Variants in RBBP8 observed in about 807,000 individuals in gnomAD.
RBBP8 encodes DNA endonuclease RBBP8.
Under a neutral mutation model 108.3 loss-of-function variants are expected in RBBP8, and 88 were observed. The ratio of observed to expected loss-of-function variants is 0.81; its 90% CI spans 0.68 to 0.97. RBBP8 has a LOEUF of 0.97. Among genes scored for constraint, RBBP8 ranks in the 50% least tolerant of loss-of-function variants. RBBP8 has a pLI of 0.00. For missense variants in RBBP8, 1,023 were observed against 1,049.0 expected, an observed-to-expected ratio of 0.98 and a Z score of 0.34; for synonymous variants, 332 against 348.2, an observed-to-expected ratio of 0.95 and a Z score of 0.52.
chr18:22,953,030 A>G (rs982474989), intron 4 of RBBP8, among the ~76,000 whole-genome samples: 2 of 152,380 alleles, frequency 1.3e-5, no homozygotes, highest in South Asian at 2.1e-4. Flanking sequence ...GCAAACATCA[A>G]TAAGACTTTG....
At chr18:22,975,914 A>G (rs1160148012) in intron 6 of RBBP8, among the ~76,000 whole-genome samples, 1 of 152,100 alleles carries the variant, frequency 6.6e-6, no homozygotes, top group African/African-American at 2.4e-5. Flanking sequence ...TTTTCTAGAT[A>G]TGATCTGACT....
At chr18:22,971,020 A>G (rs1914034713) in intron 5 of RBBP8, among the ~76,000 whole-genome samples, 1 of 152,184 alleles carries the variant, frequency 6.6e-6, no homozygotes, top group Non-Finnish European at 1.5e-5. Context: ...ATTTGCAGGC[A>G]TTCATCCTCA....
intron 1 of RBBP8, chr18:22,934,755 A>C (rs979767860): frequency 2.0e-5 from 3 of 151,344 alleles, no homozygotes; most frequent in East Asian, 3.9e-4. Context: ...TATGATTGAG[A>C]ACATGCGGGC....
intron 1 of RBBP8, among the ~76,000 whole-genome samples, chr18:22,936,241 A>G (rs945791913): frequency 2.6e-5 from 4 of 152,148 alleles, no homozygotes; most frequent in Non-Finnish European, 5.9e-5. Flanking sequence ...AGCTGGGGCC[A>G]CAGGCACGCA....
intron 18 of RBBP8, chr18:23,024,820 C>T (rs190800018): frequency 6.6e-6 from 1 of 152,332 alleles, no homozygotes; most frequent in East Asian, 1.9e-4. Context: ...AGCCTTCAGG[C>T]TTTAGGCCTG....
rs146649234 is a variant in RBBP8, at chr18:22,968,850, A to G, written c.293A>G (p.His98Arg). 6.8e-5 allele frequency: 109 copies of G among 1,613,536 alleles called. No individual in the cohort carries two copies. The highest frequency in any genetic ancestry group is 1.6e-4 in the Middle Eastern group (1 of 6,074). The part of the protein sequence containing the change: ...LCDRCAVTEE[H>R]MRKKQQEFEN... Reference sequence around the variant, plus strand: ...GATCGCTGTGCAGTAACTGAAGAACATATGCGGAAAAAACAGCAAGAGTTT... The same window carrying G: ...GATCGCTGTGCAGTAACTGAAGAACGTATGCGGAAAAAACAGCAAGAGTTT... Residue 98 changes from histidine to arginine, a missense_variant, in exon 5 of 19, where the codon CAT (histidine) becomes CGT (arginine). Coordinates refer to ENST00000327155, the MANE Select transcript of RBBP8 (RefSeq NM_002894.3).
At chr18:22,994,645 T>C (rs2045821313) in intron 12 of RBBP8, among the ~76,000 whole-genome samples, 1 of 122,404 alleles carries the variant, frequency 8.2e-6, no homozygotes, top group Non-Finnish European at 1.7e-5. Flanking sequence ...AGACTCCGTC[T>C]CAAAAAAAAA....
chr18:22,952,887 G>A (rs1912165488), intron 4 of RBBP8, among the ~76,000 whole-genome samples: 1 of 152,170 alleles, frequency 6.6e-6, no homozygotes, highest in Non-Finnish European at 1.5e-5. Context: ...CTTTCTACAA[G>A]CAGTGAGGTT....
intron 6 of RBBP8, among the ~76,000 whole-genome samples, chr18:22,980,170 C>A (rs1914799506): frequency 6.6e-6 from 1 of 151,994 alleles, no homozygotes; most frequent in Non-Finnish European, 1.5e-5. Context: ...CACTACAACC[C>A]AGGAGGCAGA....
intron 5 of RBBP8, among the ~76,000 whole-genome samples, chr18:22,970,784 T>C (rs1914018273): frequency 6.6e-6 from 1 of 152,210 alleles, no homozygotes; most frequent in South Asian, 2.1e-4. Flanking sequence ...GGAAGGATTA[T>C]TACACTTTGG....
chr18:22,957,330 G>C (rs1446469905), intron 4 of RBBP8, among the ~76,000 whole-genome samples: 1 of 105,338 alleles, frequency 9.5e-6, no homozygotes, highest in Non-Finnish European at 1.8e-5. Context: ...TTCTCTGGTA[G>C]ACTATAAGCT....
intron 16 of RBBP8, among the ~76,000 whole-genome samples, chr18:23,009,548 A>G (rs1355917262): frequency 1.3e-5 from 2 of 150,276 alleles, no homozygotes; most frequent in African/African-American, 4.9e-5. Flanking sequence ...TATAAAATGT[A>G]TATAATGGAC....
Position 22,984,915 on chromosome 18 carries a change from C to T in RBBP8, c.634C>T (p.His212Tyr), listed in dbSNP as rs1172625763. 6.2e-7 allele frequency: 1 copy of T among 1,608,952 alleles called. No homozygotes were observed. Among genetic ancestry groups the T allele is most frequent in the Non-Finnish European group, 8.5e-7 (1 of 1,176,404 alleles). The change falls in exon 8 of 19, where the codon CAT (histidine) becomes TAT (tyrosine). Residue 212 changes from histidine to tyrosine, a missense_variant. By Grantham distance (83) the His-to-Tyr change is moderately conservative. Coordinates refer to ENST00000327155, the MANE Select transcript of RBBP8 (RefSeq NM_002894.3). Reference protein sequence around the residue: ...EMRKVSKSSTHPQHNPNENEI... With the variant: ...EMRKVSKSSTYPQHNPNENEI... ...GAGAAAAGTTTCCAAGTCTTCAACT[C>T]ATCCACAACATAATCCTAATGAAAA... is the stretch of plus-strand genomic sequence containing the variant.
At chr18:22,925,075 G>C (rs1013900899) in intron 3 of RBBP8, among the ~76,000 whole-genome samples, 1 of 151,494 alleles carries the variant, frequency 6.6e-6, no homozygotes, top group Non-Finnish European at 1.5e-5. Flanking sequence ...GTAGAGACAG[G>C]GTCTTGTTAT....
At chr18:22,949,575 G>A (rs760855665) in intron 3 of RBBP8, 43 bp from the exon 4 acceptor site, 20 of 1,347,168 alleles carry the variant, frequency 1.5e-5, no homozygotes, top group Non-Finnish European at 2.1e-5. Context: ...ATCCTGTTAA[G>A]AGTATTTTTA....
At chr18:22,948,429 T>C (rs944871167) in intron 3 of RBBP8, among the ~76,000 whole-genome samples, 2 of 152,118 alleles carry the variant, frequency 1.3e-5, no homozygotes, top group Non-Finnish European at 2.9e-5. Context: ...GTTAACAAGC[T>C]TCAATGATAT....
At chr18:22,926,228 GC>G (rs1909787936) in intron 3 of RBBP8, among the ~76,000 whole-genome samples, 1 of 152,136 alleles carries the variant, frequency 6.6e-6, no homozygotes, top group South Asian at 2.1e-4. Flanking sequence ...TTCCAGACCA[GC>G]CTAGCCAAAA....
At chr18:23,006,046 CATG>C (rs2046038858) in intron 15 of RBBP8, among the ~76,000 whole-genome samples, 1 of 151,940 alleles carries the variant, frequency 6.6e-6, no homozygotes, top group Non-Finnish European at 1.5e-5. Flanking sequence ...ATTAGCCCGG[CATG>C]GTGGTGGGCG....
upstream of RBBP8, among the ~76,000 whole-genome samples, chr18:22,932,894 T>A (rs1470999772): frequency 6.6e-6 from 1 of 152,236 alleles, no homozygotes; most frequent in East Asian, 1.9e-4. Context: ...TCTATGGCGT[T>A]ACCGCACAAC....
Sources: allele counts gnomAD v4.1 joint callset (sites outside exome capture counted in the v4.1 genomes callset), GRCh38; gene constraint gnomAD v4.1.1; transcripts MANE v1.5; gene names NCBI Gene and HGNC (gene_info 2026-07-23, HGNC 2026-07-21).